PEX6: variants seen among roughly 807,000 people sequenced by gnomAD.
PEX6 encodes the protein peroxisome biogenesis factor 6.
In PEX6, 55 loss-of-function variants were observed where a neutral mutation model predicts 85.6. That is an observed-to-expected ratio of 0.64 (90% CI 0.52 to 0.80). The LOEUF (loss-of-function observed/expected upper bound fraction) is 0.80, where lower values mean the gene tolerates loss of function less well. PEX6 is among the 30% of genes least tolerant of loss of function. The pLI is 0.00. For synonymous variants in PEX6, 519 were observed against 549.1 expected, an observed-to-expected ratio of 0.95 and a Z score of 0.77; for missense variants, 1,099 against 1,260.3, an observed-to-expected ratio of 0.87 and a Z score of 1.94.
In PEX6 at chr6:42,975,580, C is replaced by T. The variant is rs191676311; in HGVS notation, c.883-542G>A. ...CATCCCAAAGTATTAACTGGTTACT[C>T]TAGTACTGCCCAGTAGAACTCTCTA... is the stretch of plus-strand genomic sequence containing the variant. On this transcript the variant is annotated intron_variant, in intron 1 of 16. Transcript: ENST00000304611. Among the ~76,000 whole-genome samples the T allele has an allele frequency of 2.0e-3, 306 of 152,280 alleles. 2 individuals carry two copies. The highest frequency in any genetic ancestry group is 7.1e-3 in the African/African-American group (295 of 41,550).
intron 5 of PEX6, among the ~76,000 whole-genome samples, chr6:42,969,359 G>C (rs1468350132): frequency 1.3e-5 from 2 of 152,198 alleles, no homozygotes; most frequent in East Asian, 1.9e-4. Context: ...TTCAGGGCCA[G>C]GGCAGTAAAG....
At chr6:42,968,027 A>G (rs1271738265) in intron 7 of PEX6, among the ~76,000 whole-genome samples, 2 of 149,812 alleles carry the variant, frequency 1.3e-5, no homozygotes, top group African/African-American at 4.9e-5. Context: ...GCTCACTGCA[A>G]CCTCCGCCTC....
intron 1 of PEX6, among the ~76,000 whole-genome samples, chr6:42,977,768 CAAAAAAAAAAAAAAA>C (rs200706906): frequency 1.9e-5 from 1 of 51,696 alleles, no homozygotes. Flanking sequence ...GACCCCATCT[CAAAAAAAAAAAAAAA>C]AAAAAAAAAA....
rs975211816 is a variant in PEX6, at chr6:42,965,596, C to T, written c.2471+85G>A. On this transcript the variant is annotated intron_variant, in intron 13 of 16. Transcript: ENST00000304611. The surrounding 1 kb of genome is among the most constrained non-coding windows in gnomAD (Gnocchi z 5.0). ...GAACTGAAACAGCAGGAACTTCTAT[C>T]TCTGGACTCTGAAGACTGCTGTGAG... 1.2e-4 allele frequency: 121 copies of T among 1,020,570 alleles called. No individual in the cohort carries two copies. The East Asian group carries it at 2.9e-3, about 24-fold the overall frequency. 63.2% of individuals were successfully genotyped at this position (1,020,570 alleles called of 1,614,324 possible).
intron 1 of PEX6, among the ~76,000 whole-genome samples, chr6:42,976,462 A>G (rs1044536720): frequency 6.6e-6 from 1 of 152,122 alleles, no homozygotes; most frequent in Admixed American, 6.6e-5. Context: ...TCCCAGGTTC[A>G]AGCGATTCTC....
chr6:42,970,079 A>C, intron 3 of PEX6, 92 bp from the exon 4 acceptor site: 3 of 954,238 alleles, frequency 3.1e-6, no homozygotes, highest in Non-Finnish European at 5.1e-6. Flanking sequence ...GGACAAACAA[A>C]AGCACCACAA....
At chr6:42,975,068 C>T in intron 1 of PEX6, 30 bp from the exon 2 acceptor site, 6 of 1,589,084 alleles carry the variant, frequency 3.8e-6, no homozygotes, top group Non-Finnish European at 5.2e-6. Flanking sequence ...CACGTTATAA[C>T]CTTCTCCTAA....
intron 1 of PEX6, among the ~76,000 whole-genome samples, chr6:42,977,252 T>A (rs6935038): frequency 0.029 from 687 of 23,592 alleles, 5 homozygotes; most frequent in Non-Finnish European, 0.038. Context: ...GAAACCTCAC[T>A]TTTTTTTTTT....
rs200875604 is a variant in PEX6 at position 42,966,116 on chromosome 6, G to A, written c.2301-11C>T. The A allele has an allele frequency of 8.1e-6, 13 of 1,613,938 alleles. No homozygotes were observed. Among genetic ancestry groups the A allele is most frequent in the Admixed American group, 1.7e-5 (1 of 59,996 alleles). On this transcript the variant is annotated splice_polypyrimidine_tract_variant and intron_variant, in intron 11 of 16. Coordinates refer to ENST00000304611, the MANE Select transcript of PEX6 (RefSeq NM_000287.4). ...TCTGGCCCCTTCACGCTGAGTGAGAGGATGTGAGAAGGTGAGAGCCGTCAG... is the reference window on the plus strand; with the variant it reads ...TCTGGCCCCTTCACGCTGAGTGAGAAGATGTGAGAAGGTGAGAGCCGTCAG...
rs1364830941 is a variant in PEX6 at position 42,964,676 on chromosome 6, A to G, written c.2806+114T>C. The G allele has an allele frequency of 2.0e-6, 3 of 1,465,676 alleles. No homozygotes were observed. Among genetic ancestry groups the G allele is most frequent in the Non-Finnish European group, 2.9e-6 (3 of 1,049,914 alleles). 90.8% of individuals were successfully genotyped at this position (1,465,676 alleles called of 1,614,324 possible). ...CTCTGTGTTGCCCAGGCTGGCCTCA[A>G]ACTCCTGGGCTCAAGCGATCCTCCC... On this transcript the variant is annotated intron_variant, in intron 16 of 16. Coordinates refer to ENST00000304611, the MANE Select transcript of PEX6 (RefSeq NM_000287.4). This position sits in a 1 kb window ranked among gnomAD's most constrained non-coding sequence, Gnocchi z 4.6.
chr6:42,968,185 G>A, intron 7 of PEX6, 105 bp downstream of exon 7: 2 of 918,558 alleles, frequency 2.2e-6, no homozygotes, highest in Admixed American at 1.8e-5. Context: ...GATCAAGGCA[G>A]GTGATCCACC....
intron 2 of PEX6, among the ~76,000 whole-genome samples, chr6:42,974,440 ATGTTTTTTT>A (rs1316876897): frequency 2.4e-3 from 225 of 93,648 alleles, no homozygotes; most frequent in East Asian, 3.8e-3. Context: ...TCTGTCTGAA[ATGTTTTTTT>A]TGTTTTTTTT....
rs1411367938 is a variant in PEX6, at chr6:42,965,224, G to A, written c.2588+28C>T. 6.2e-7 allele frequency: 1 copy of A among 1,607,302 alleles called. No homozygotes were observed. Among genetic ancestry groups the A allele is most frequent in the South Asian group, 1.1e-5 (1 of 90,950 alleles). ...GGGGTGAAGGAGGCACAAAATGAGGGTGGAGATGAGCAGTACAAGGGGCCC... is the reference window on the plus strand; with the variant it reads ...GGGGTGAAGGAGGCACAAAATGAGGATGGAGATGAGCAGTACAAGGGGCCC... On this transcript the variant is annotated intron_variant, in intron 14 of 16. Coordinates refer to ENST00000304611, the MANE Select transcript of PEX6 (RefSeq NM_000287.4). The surrounding 1 kb of genome is among the most constrained non-coding windows in gnomAD (Gnocchi z 5.0).
chr6:42,979,178 A>T lies in PEX6; in HGVS notation c.-28T>A. ...TGACAGGACACCAACGAGGAGGGTG[A>T]AGGAGCGCAGCTTCCGGAGCCAGAG... On this transcript the variant is annotated 5_prime_UTR_variant, in exon 1 of 17. Coordinates refer to ENST00000304611, the MANE Select transcript of PEX6 (RefSeq NM_000287.4). 4 of 1,567,268 alleles carry T rather than the reference A, an allele frequency of 2.6e-6. No individual in the cohort carries two copies. The highest frequency in any genetic ancestry group is 3.4e-6 in the Non-Finnish European group (4 of 1,165,214).
chr6:42,965,509 A>G lies in PEX6; in HGVS notation c.2472-141T>C, dbSNP rs1261587324. ...AATGTGCCCCACCAGGTAGGCCCCC[A>G]TTCTCCTCAGTGGACCCTGCCCAAT... On this transcript the variant is annotated intron_variant, in intron 13 of 16. Transcript: ENST00000304611. The surrounding 1 kb of genome is among the most constrained non-coding windows in gnomAD (Gnocchi z 5.0). The G allele has an allele frequency of 4.5e-6, 4 of 894,648 alleles. No homozygotes were observed. The highest frequency in any genetic ancestry group is 7.6e-6 in the Non-Finnish European group (4 of 529,102). 55.4% of individuals were successfully genotyped at this position (894,648 alleles called of 1,614,324 possible).
At chr6:42,975,712 GT>G (rs1186126396) in intron 1 of PEX6, among the ~76,000 whole-genome samples, 254 of 140,618 alleles carry the variant, frequency 1.8e-3, no homozygotes, top group South Asian at 0.01. Context: ...ACATGATTTA[GT>G]TTTTTTTTTT....
rs761433614 is a variant in PEX6 at position 42,964,416 on chromosome 6, A to G, written c.2862T>C (p.Ala954=). Residue 954 remains alanine (A), a synonymous_variant, in exon 17 of 17, where the codon GCT becomes GCC. Transcript: ENST00000304611. The surrounding 1 kb of genome is among the most constrained non-coding windows in gnomAD (Gnocchi z 4.6). The part of the protein sequence containing the change: ...LMLTMEDLLQ[A]AARLQPSVSE... ...TGACTGAGGGTTGCAGCCGGGCGGC[A>G]GCCTGCAGCAAGTCCTCCATGGTGA... 6.2e-7 allele frequency: 1 copy of G among 1,613,886 alleles called. No homozygotes were observed. Among genetic ancestry groups the G allele is most frequent in the Non-Finnish European group, 8.5e-7 (1 of 1,179,994 alleles).
intron 1 of PEX6, among the ~76,000 whole-genome samples, chr6:42,975,929 C>T (rs192928623): frequency 2.6e-5 from 4 of 152,118 alleles, no homozygotes; most frequent in African/African-American, 7.2e-5. Context: ...TCGCTTGTCA[C>T]CCAGGCTGGA....
chr6:42,967,174 G>A (rs994501595), intron 8 of PEX6, among the ~76,000 whole-genome samples, 194 bp downstream of exon 8: 9 of 151,972 alleles, frequency 5.9e-5, no homozygotes, highest in African/African-American at 1.9e-4. Flanking sequence ...TCTCCATGTT[G>A]GCCAGGCTGG....
Sources: allele counts gnomAD v4.1 joint callset (sites outside exome capture counted in the v4.1 genomes callset), GRCh38; gene constraint gnomAD v4.1.1; non-coding constraint Gnocchi (gnomAD v3.1); transcripts MANE v1.5; gene names NCBI Gene and HGNC (gene_info 2026-07-23, HGNC 2026-07-21).